The following NOL4L variants were observed in gnomAD, a reference collection of about 807,000 sequenced individuals.
NOL4L encodes nucleolar protein 4-like.
Under a neutral mutation model 64.5 loss-of-function variants are expected in NOL4L, and 7 were observed. The ratio of observed to expected loss-of-function variants is 0.11; its 90% CI spans 0.06 to 0.20. The LOEUF is 0.20. Among genes scored for constraint, NOL4L ranks in the 10% least tolerant of loss-of-function variants. The probability of loss-of-function intolerance (pLI) is 1.00; values close to 1 mark genes in which losing one functional copy is unlikely to be tolerated. For synonymous variants in NOL4L, 413 were observed against 401.0 expected, an observed-to-expected ratio of 1.03 and a Z score of -0.36; for missense variants, 680 against 967.1, an observed-to-expected ratio of 0.70 and a Z score of 3.94.
At chr20:32,493,747 C>T (rs769518016) in intron 4 of NOL4L, among the ~76,000 whole-genome samples, 19 of 152,258 alleles carry the variant, frequency 1.2e-4, no homozygotes, top group Middle Eastern at 6.8e-3. Context: ...CTCCAAGGCC[C>T]GGTCCAGGTG....
At chr20:32,493,276 A>G (rs1049412654) in intron 4 of NOL4L, among the ~76,000 whole-genome samples, 4 of 152,138 alleles carry the variant, frequency 2.6e-5, no homozygotes, top group African/African-American at 9.7e-5. Flanking sequence ...GGTTACCAAG[A>G]GAAAGAGGCA....
At chr20:32,466,992 TGAG>T (rs898167674) in intron 5 of NOL4L, among the ~76,000 whole-genome samples, 8 of 152,072 alleles carry the variant, frequency 5.3e-5, no homozygotes. Flanking sequence ...GGGCATCACC[TGAG>T]GAGGACACTA....
At chr20:32,553,032 A>G (rs967774120) in intron 1 of NOL4L, among the ~76,000 whole-genome samples, 1 of 152,116 alleles carries the variant, frequency 6.6e-6, no homozygotes, top group East Asian at 1.9e-4. Flanking sequence ...GAGGAATCCT[A>G]CTTTACAGTG....
chr20:32,472,791 AG>A (rs2145479065), intron 5 of NOL4L, among the ~76,000 whole-genome samples: 1 of 152,200 alleles, frequency 6.6e-6, no homozygotes, highest in African/African-American at 2.4e-5. Context: ...CGGAGGGGAC[AG>A]TGAGGCCCAC....
intron 4 of NOL4L, 164 bp downstream of exon 4, chr20:32,511,183 T>G (rs1337284482): frequency 1.8e-6 from 1 of 556,344 alleles, no homozygotes; most frequent in African/African-American, 1.9e-5. Flanking sequence ...AAACACATTC[T>G]TGCCTCCCGC....
Position 32,536,996 on chromosome 20 carries a change from G to A in NOL4L, c.322-9083C>T, listed in dbSNP as rs1223767890. 50 of 852,102 alleles carry A rather than the reference G, an allele frequency of 5.9e-5. 1 individual carries two copies. The African/African-American group carries it at 7.9e-4, about 14-fold the overall frequency. 52.8% of individuals were successfully genotyped at this position (852,102 alleles called of 1,614,324 possible). The stretch of plus-strand genomic sequence containing the variant: ...CCCCACGCGCACCTGCTGCGCGCGC[G>A]CCCGCCGGCCTCGCGTCCCCCTTCC... On this transcript the variant is annotated intron_variant, in intron 1 of 10. Transcript: ENST00000621426.
chr20:32,570,988 G>C (rs542347824), intron 1 of NOL4L, among the ~76,000 whole-genome samples: 7 of 152,214 alleles, frequency 4.6e-5, no homozygotes, highest in African/African-American at 1.4e-4. Context: ...ACTTCAGCAA[G>C]TTGTCCAAGC....
chr20:32,553,791 G>A (rs566818510), intron 1 of NOL4L, among the ~76,000 whole-genome samples: 7 of 152,324 alleles, frequency 4.6e-5, no homozygotes, highest in Admixed American at 1.3e-4. Flanking sequence ...TAAATGTAAC[G>A]TAGTATTGTG....
At chr20:32,481,125 T>C (rs1021989863) in intron 4 of NOL4L, among the ~76,000 whole-genome samples, 1 of 152,194 alleles carries the variant, frequency 6.6e-6, no homozygotes, top group Non-Finnish European at 1.5e-5. Context: ...TGGTCCTCTG[T>C]TGTCCCTGCT....
chr20:32,536,796 G>C (rs2018541254), intron 1 of NOL4L, among the ~76,000 whole-genome samples: 1 of 102,402 alleles, frequency 9.8e-6, no homozygotes, highest in Non-Finnish European at 2.1e-5. Context: ...GCCCGGCTGG[G>C]AGTGGGGGGG....
intron 4 of NOL4L, among the ~76,000 whole-genome samples, chr20:32,488,889 T>C (rs1368629465): frequency 7.2e-6 from 1 of 139,268 alleles, no homozygotes; most frequent in Non-Finnish European, 1.5e-5. Context: ...CTTTCTTTCT[T>C]TCTTTCCTCT....
chr20:32,447,047 C>T lies in NOL4L; in HGVS notation c.*549G>A, dbSNP rs1370216371. On this transcript the variant is annotated 3_prime_UTR_variant, in exon 11 of 11. Coordinates refer to ENST00000621426, the MANE Select transcript of NOL4L (RefSeq NM_001256798.2). ...TGGCACCTGTCCTGCCCCTACTGGC[C>T]CCAGCCCACATCAGTGTAGTGATAT... 2.0e-5 allele frequency: 7 copies of T among 353,566 alleles called. No homozygotes were observed. The highest frequency in any genetic ancestry group is 3.9e-5 in the Non-Finnish European group (7 of 181,424). The allele number at this position is 353,566 out of a possible 1,614,324, so 21.9% of individuals were successfully genotyped here.
At chr20:32,500,961 C>T (rs2016900435) in intron 4 of NOL4L, among the ~76,000 whole-genome samples, 1 of 152,138 alleles carries the variant, frequency 6.6e-6, no homozygotes, top group Non-Finnish European at 1.5e-5. Context: ...AACAAATCTC[C>T]TATGCATAAG....
intron 1 of NOL4L, chr20:32,532,243 CAA>C (rs2018370728): frequency 4.1e-6 from 2 of 491,638 alleles, no homozygotes; most frequent in Non-Finnish European, 5.3e-6. Context: ...ATCTCTACAG[CAA>C]AGATTTACAT....
chr20:32,542,927 G>A (rs896203621), intron 1 of NOL4L, among the ~76,000 whole-genome samples: 1 of 152,138 alleles, frequency 6.6e-6, no homozygotes, highest in Non-Finnish European at 1.5e-5. Context: ...TAGGAGAACC[G>A]ACCTCACGGG....
intron 1 of NOL4L, among the ~76,000 whole-genome samples, chr20:32,578,802 C>G (rs1328126390): frequency 6.6e-6 from 1 of 152,228 alleles, no homozygotes; most frequent in Non-Finnish European, 1.5e-5. Flanking sequence ...TGAGTTAGGA[C>G]CCCATAGGCC....
intron 1 of NOL4L, among the ~76,000 whole-genome samples, chr20:32,551,961 T>A (rs541424641): frequency 6.6e-6 from 1 of 151,720 alleles, no homozygotes; most frequent in South Asian, 2.1e-4. Flanking sequence ...GCTAATTTTT[T>A]AAATGTTTTG....
chr20:32,535,386 C>T (rs2018485945), intron 1 of NOL4L: 1 of 159,624 alleles, frequency 6.3e-6, no homozygotes, highest in African/African-American at 2.4e-5. Flanking sequence ...CCACACTCTC[C>T]CCATAAATAA....
intron 5 of NOL4L, among the ~76,000 whole-genome samples, chr20:32,457,331 C>T (rs535827063): frequency 2.0e-5 from 3 of 152,190 alleles, no homozygotes; most frequent in Non-Finnish European, 1.5e-5. Flanking sequence ...GTCAGGTGAG[C>T]ACCCGCGAGG....
Sources: gnomAD v4.1 joint callset for allele counts (sites outside exome capture counted in the v4.1 genomes callset) on GRCh38, gnomAD v4.1.1 for gene constraint, MANE v1.5 for transcripts, NCBI Gene and HGNC (gene_info 2026-07-23, HGNC 2026-07-21) for gene names.